SMARCA2: variants seen among roughly 807,000 people sequenced by gnomAD.
SMARCA2 encodes the protein SWI/SNF-related matrix-associated actin-dependent regulator of chromatin subfamily A member 2.
SMARCA2 carries 61 observed loss-of-function variants against 199.8 expected under a neutral mutation model. The observed-to-expected ratio is 0.31, with a 90% CI of 0.25 to 0.38. The LOEUF (loss-of-function observed/expected upper bound fraction) is 0.38, where lower values mean the gene tolerates loss of function less well. SMARCA2 is among the 10% of genes least tolerant of loss of function. The probability of loss-of-function intolerance (pLI) is 1.00; values close to 1 mark genes in which losing one functional copy is unlikely to be tolerated. For synonymous variants in SMARCA2, 935 were observed against 732.0 expected (o/e 1.28, Z -4.48); for missense variants, 1,344 against 2,012.2 (o/e 0.67, Z 6.35).
chr9:2,150,728 G>A (rs781068009), intron 27 of SMARCA2, among the ~76,000 whole-genome samples: 6 of 151,520 alleles, frequency 4.0e-5, no homozygotes, highest in Non-Finnish European at 7.4e-5. Context: ...CCACAGATTG[G>A]TGGTTTAAAC....
At chr9:2,067,747 A>T (rs1056336437) in intron 9 of SMARCA2, among the ~76,000 whole-genome samples, 2 of 152,222 alleles carry the variant, frequency 1.3e-5, no homozygotes, top group African/African-American at 4.8e-5. Context: ...AAATGTCTTA[A>T]ATCTAATATT....
intron 31 of SMARCA2, among the ~76,000 whole-genome samples, chr9:2,185,076 A>C (rs1368038570): frequency 6.6e-6 from 1 of 152,208 alleles, no homozygotes; most frequent in Non-Finnish European, 1.5e-5. Context: ...ATTTTTCAGT[A>C]TACAGTTCAG....
At chr9:2,151,748 A>G (rs1194794511) in intron 27 of SMARCA2, among the ~76,000 whole-genome samples, 1 of 152,098 alleles carries the variant, frequency 6.6e-6, no homozygotes, top group African/African-American at 2.4e-5. Flanking sequence ...TAAAAAATAA[A>G]TGAATTAAAA....
In SMARCA2 at chr9:2,119,216, A is replaced by G. The variant is rs923075830; in HGVS notation, c.3685-242A>G. On this transcript the variant is annotated intron_variant, in intron 25 of 33. Coordinates refer to ENST00000349721, the MANE Select transcript of SMARCA2 (RefSeq NM_003070.5). This position sits in a 1 kb window ranked among gnomAD's most constrained non-coding sequence, Gnocchi z 4.6. ...TAAAAGTAACAGAATCAAGATACAC[A>G]TCCAGGAGAACTCATATTTCTTATA... Among the ~76,000 whole-genome samples, 2 of 152,240 alleles carry G rather than the reference A, an allele frequency of 1.3e-5. No homozygotes were observed. The highest frequency in any genetic ancestry group is 4.8e-5 in the African/African-American group (2 of 41,464).
Position 2,086,371 on chromosome 9 carries a change from C to G in SMARCA2, c.2527-458C>G, listed in dbSNP as rs1821804391. 6.6e-6 allele frequency among the ~76,000 whole-genome samples: 1 copy of G among 152,206 alleles called. No homozygotes were observed. The highest frequency in any genetic ancestry group is 2.4e-5 in the African/African-American group (1 of 41,446). ...AGCCAAGAATATCTCAGCTGTAGAACCTGCTAGGGCCATCTTGGAAAAATC... is the reference window on the plus strand; with the variant it reads ...AGCCAAGAATATCTCAGCTGTAGAAGCTGCTAGGGCCATCTTGGAAAAATC... On this transcript the variant is annotated intron_variant, in intron 17 of 33. Transcript: ENST00000349721. This position sits in a 1 kb window ranked among gnomAD's most constrained non-coding sequence, Gnocchi z 4.3.
At chr9:2,191,168 T>G in intron 32 of SMARCA2, 98 bp from the exon 33 acceptor site, 2 of 1,148,916 alleles carry the variant, frequency 1.7e-6, no homozygotes. Context: ...CACTCTGGGA[T>G]GTTTGTGTTG....
At chr9:2,082,141 A>T in intron 15 of SMARCA2, 146 bp downstream of exon 15, 2 of 712,814 alleles carry the variant, frequency 2.8e-6, no homozygotes, top group Non-Finnish European at 4.6e-6. Context: ...ATCTGGATTT[A>T]GGTTTTAATT....
intron 25 of SMARCA2, among the ~76,000 whole-genome samples, chr9:2,116,835 A>G (rs1271714059): frequency 2.6e-5 from 4 of 152,196 alleles, no homozygotes; most frequent in Admixed American, 1.3e-4. Context: ...CTGGCTGAAC[A>G]TATTTTTTGT....
chr9:2,072,185 T>C (rs1821117343), intron 10 of SMARCA2: 2 of 152,216 alleles, frequency 1.3e-5, no homozygotes, highest in Admixed American at 6.5e-5. Context: ...GAAAGGAATC[T>C]AGCAAAAATT....
At chr9:2,132,401 C>G (rs1007088469) in intron 27 of SMARCA2, among the ~76,000 whole-genome samples, 1 of 152,010 alleles carries the variant, frequency 6.6e-6, no homozygotes, top group Non-Finnish European at 1.5e-5. Context: ...TAGTGATTCT[C>G]GTAGATGTAC....
chr9:2,068,493 G>A (rs953714700), intron 9 of SMARCA2, among the ~76,000 whole-genome samples: 3 of 152,126 alleles, frequency 2.0e-5, no homozygotes, highest in Non-Finnish European at 4.4e-5. Context: ...TCTTCACTAT[G>A]ACTAAAAGGC....
intron 1 of SMARCA2, among the ~76,000 whole-genome samples, chr9:2,015,683 C>T (rs1004624127): frequency 3.9e-5 from 6 of 152,294 alleles, no homozygotes; most frequent in South Asian, 2.1e-4. Flanking sequence ...TTCAACCGAA[C>T]CTTGCTGTTC....
At chr9:2,060,729 C>G in intron 8 of SMARCA2, 87 bp from the exon 9 acceptor site, 1 of 1,282,790 alleles carries the variant, frequency 7.8e-7, no homozygotes, top group Non-Finnish European at 1.1e-6. Context: ...AGTCAAAATG[C>G]AGACTGTCAA....
rs1825670588 is a variant in SMARCA2, at chr9:2,161,482, A to T, written c.3982-204A>T. Among the ~76,000 whole-genome samples the T allele has an allele frequency of 6.6e-6, 1 of 152,140 alleles. No homozygotes were observed. The highest frequency in any genetic ancestry group is 2.1e-4 in the South Asian group (1 of 4,810). The stretch of plus-strand genomic sequence containing the variant: ...TCAGTGTGTTTTGCTCATGAAACAG[A>T]CTTGAGTTAAAGATGCATTTATCCA... On this transcript the variant is annotated intron_variant, in intron 27 of 33. Transcript: ENST00000349721. The surrounding 1 kb of genome is among the most constrained non-coding windows in gnomAD (Gnocchi z 4.7).
chr9:2,148,965 C>T (rs931520645), intron 27 of SMARCA2, among the ~76,000 whole-genome samples: 2 of 151,624 alleles, frequency 1.3e-5, no homozygotes, highest in Admixed American at 6.6e-5. Flanking sequence ...ACCAGCAAAA[C>T]GGCTAGTCCT....
intron 27 of SMARCA2, among the ~76,000 whole-genome samples, chr9:2,146,619 A>G (rs1213060280): frequency 6.6e-6 from 1 of 152,188 alleles, no homozygotes; most frequent in Non-Finnish European, 1.5e-5. Flanking sequence ...TTTATTAGGA[A>G]AGTAAAGGGA....
chr9:2,156,535 A>G (rs994953050), intron 27 of SMARCA2, among the ~76,000 whole-genome samples: 2 of 147,696 alleles, frequency 1.4e-5, no homozygotes, highest in East Asian at 2.0e-4. Context: ...GGTTCAAGCA[A>G]TTCTCCTGCC....
At chr9:2,082,864 G>A (rs765118149) in intron 15 of SMARCA2, among the ~76,000 whole-genome samples, 1 of 152,148 alleles carries the variant, frequency 6.6e-6, no homozygotes, top group East Asian at 1.9e-4. Context: ...TATATTTTGC[G>A]TGTTCTGAAT....
In SMARCA2 at chr9:2,115,099, A is replaced by G. The variant is rs1222459644; in HGVS notation, c.3457-723A>G. Among the ~76,000 whole-genome samples the G allele has an allele frequency of 1.3e-5, 2 of 152,112 alleles. No homozygotes were observed. The highest frequency in any genetic ancestry group is 4.1e-4 in the South Asian group (2 of 4,828). ...AATTATTCTGAGAAGGTACATCCTT[A>G]TTTCTAAATCTTTGTGCATATCTAT... On this transcript the variant is annotated intron_variant, in intron 24 of 33. Transcript: ENST00000349721. This position sits in a 1 kb window ranked among gnomAD's most constrained non-coding sequence, Gnocchi z 6.0.
Sources: allele counts gnomAD v4.1 joint callset (sites outside exome capture counted in the v4.1 genomes callset), GRCh38; gene constraint gnomAD v4.1.1; non-coding constraint Gnocchi (gnomAD v3.1); transcripts MANE v1.5; gene names NCBI Gene and HGNC (gene_info 2026-07-23, HGNC 2026-07-21).